STAP2: variants seen among roughly 807,000 people sequenced by gnomAD.
STAP2 encodes the protein signal-transducing adaptor protein 2.
STAP2 carries 58 observed loss-of-function variants against 52.7 expected under a neutral mutation model. That is an observed-to-expected ratio of 1.10 (90% CI 0.89 to 1.37). STAP2 has a LOEUF of 1.37. Among genes scored for constraint, STAP2 ranks in the 40% most tolerant of loss-of-function variants. The pLI, the probability that STAP2 is intolerant of heterozygous loss-of-function variation, is 0.00. For synonymous variants in STAP2, 231 were observed against 210.5 expected (o/e 1.10, Z -0.84); for missense variants, 522 against 519.4 (o/e 1.00, Z -0.05).
In STAP2 at chr19:4,334,049, G is replaced by C. The variant is rs769782572; in HGVS notation, c.103-5C>G. ...TGCCCAGAACTTCTTGTAATCCTAGGGACCAGAAGTGCAGAAAGAAGAGGT... is the reference window on the plus strand; with the variant it reads ...TGCCCAGAACTTCTTGTAATCCTAGCGACCAGAAGTGCAGAAAGAAGAGGT... On this transcript the variant is annotated splice_polypyrimidine_tract_variant and splice_region_variant and intron_variant, in intron 1 of 12. Coordinates refer to ENST00000594605, the MANE Select transcript of STAP2 (RefSeq NM_001013841.2). The C allele has an allele frequency of 9.3e-6, 15 of 1,606,850 alleles. No individual in the cohort carries two copies. Among genetic ancestry groups the C allele is most frequent in the Non-Finnish European group, 1.3e-5 (15 of 1,177,732 alleles).
At chr19:4,332,527 A>C (rs1971910517) in intron 3 of STAP2, among the ~76,000 whole-genome samples, 1 of 151,802 alleles carries the variant, frequency 6.6e-6, no homozygotes, top group African/African-American at 2.4e-5. Flanking sequence ...TTTTGATGTT[A>C]TTATATCAAC....
intron 1 of STAP2, among the ~76,000 whole-genome samples, chr19:4,337,034 A>T (rs1971991419): frequency 6.6e-6 from 1 of 152,022 alleles, no homozygotes; most frequent in Non-Finnish European, 1.5e-5. Context: ...AGTCTACTCC[A>T]CTACAGGTAA....
chr19:4,327,288 C>G (rs768729713), intron 7 of STAP2, 28 bp downstream of exon 7: 1 of 1,614,032 alleles, frequency 6.2e-7, no homozygotes, highest in African/African-American at 1.3e-5. Flanking sequence ...CACAAAGTCA[C>G]TTCTAGGGAC....
At chr19:4,333,925 C>G (rs564060574) in intron 2 of STAP2, 48 bp downstream of exon 2, 83 of 1,610,856 alleles carry the variant, frequency 5.2e-5, no homozygotes, top group Non-Finnish European at 6.9e-5. Flanking sequence ...TGCTTGGTCT[C>G]TGGGCTCAAG....
chr19:4,327,764 C>A (rs930768414), intron 6 of STAP2, among the ~76,000 whole-genome samples: 1 of 152,112 alleles, frequency 6.6e-6, no homozygotes, highest in Non-Finnish European at 1.5e-5. Context: ...CTAAAGACCC[C>A]GCCCCAGGTA....
rs1395056617 is a variant in STAP2, at chr19:4,330,212, G to A, written c.355-151C>T. 3 of 652,290 alleles carry A rather than the reference G, an allele frequency of 4.6e-6. No homozygotes were observed. The African/African-American group carries it at 5.4e-5, about 12-fold the overall frequency. The allele number at this position is 652,290 out of a possible 1,614,324, so 40.4% of individuals were successfully genotyped here. ...AAGAGGGCTTCGAGAGGGTTGCAGA[G>A]GAGTGTTGCATGAGAGTAGATGCTG... On this transcript the variant is annotated intron_variant, in intron 4 of 12. Coordinates refer to ENST00000594605, the MANE Select transcript of STAP2 (RefSeq NM_001013841.2).
intron 4 of STAP2, among the ~76,000 whole-genome samples, chr19:4,331,370 C>T (rs150020001): frequency 5.0e-4 from 74 of 149,122 alleles, no homozygotes; most frequent in African/African-American, 1.7e-3. Flanking sequence ...CTGTGGCTCA[C>T]GCCTGTAATC....
chr19:4,331,757 C>G (rs940187915), intron 4 of STAP2, among the ~76,000 whole-genome samples: 3 of 151,778 alleles, frequency 2.0e-5, no homozygotes, highest in African/African-American at 7.3e-5. Context: ...ACAGTGAAAC[C>G]CCGTCTCTAC....
chr19:4,335,724 A>G (rs1971971421), intron 1 of STAP2, among the ~76,000 whole-genome samples: 1 of 152,082 alleles, frequency 6.6e-6, no homozygotes, highest in Non-Finnish European at 1.5e-5. Context: ...AAGTTATTTG[A>G]GCTGTCTTTG....
At chr19:4,327,489 T>C in intron 6 of STAP2, 104 bp from the exon 7 acceptor site, 1 of 1,255,510 alleles carries the variant, frequency 8.0e-7, no homozygotes, top group Middle Eastern at 2.2e-4. Flanking sequence ...TAGAAACAGG[T>C]CCATACTGGC....
At chr19:4,332,536 A>G (rs1204554825) in intron 3 of STAP2, among the ~76,000 whole-genome samples, 2 of 152,172 alleles carry the variant, frequency 1.3e-5, no homozygotes, top group African/African-American at 4.8e-5. Flanking sequence ...TATTATATCA[A>G]CATTTGAAAA....
intron 1 of STAP2, among the ~76,000 whole-genome samples, chr19:4,336,665 G>A (rs1369404845): frequency 6.7e-6 from 1 of 149,000 alleles, no homozygotes; most frequent in Non-Finnish European, 1.5e-5. Context: ...GAGCAGTCTC[G>A]CTCTTGTCCC....
rs138002546 is a variant in STAP2 at position 4,325,251 on chromosome 19, G to C, written c.1037C>G (p.Ala346Gly). 1.2e-4 allele frequency: 200 copies of C among 1,607,362 alleles called. No individual in the cohort carries two copies. In the African/African-American group the frequency reaches 2.4e-3, roughly 19 times the overall value. The change falls in exon 11 of 13, where the codon GCC becomes GGC. Residue 346 changes from alanine (A) to glycine (G), a missense_variant. Transcript: ENST00000594605. ...LKPKKLPKPP[A>G]KLPKPPVGPK... ...TCCAACGGGTGGCTTTGGAAGCTTG[G>C]CAGGAGGCTTTGGCAACTTCTTTGG...
chr19:4,337,548 CAA>C lies in STAP2; in HGVS notation c.102+1102_102+1103del, dbSNP rs376844059. Among the ~76,000 whole-genome samples, 509 of 100,596 alleles carry C rather than the reference CAA, an allele frequency of 5.1e-3. 2 individuals carry two copies. The highest frequency in any genetic ancestry group is 0.016 in the African/African-American group (426 of 27,008). 66.0% of individuals were successfully genotyped at this position (100,596 alleles called of 152,430 possible). On this transcript the variant is annotated intron_variant, in intron 1 of 12. Transcript: ENST00000594605. ...CGCCTGGCCAGCAAGACCCCATCTT[CAA>C]AAAAAAAAAAAAAAGGCTGGGTGCG...
At position 4,328,555 on chromosome 19, in the gene STAP2, C is replaced by T. The variant is rs1971833793; in HGVS notation, c.590+120G>A. 14 of 1,379,398 alleles carry T rather than the reference C, an allele frequency of 1.0e-5. 1 individual carries two copies. Among genetic ancestry groups the T allele is most frequent in the South Asian group, 5.4e-5 (4 of 73,810 alleles). 85.4% of individuals were successfully genotyped at this position (1,379,398 alleles called of 1,614,324 possible). On this transcript the variant is annotated intron_variant, in intron 6 of 12. Transcript: ENST00000594605. ...CCCCAGACGCCCGTCTCGGCTCTGG[C>T]TCCGTCCCCTGGCCTACCCACTAGC...
chr19:4,336,075 C>G (rs888134321), intron 1 of STAP2, among the ~76,000 whole-genome samples: 3 of 151,906 alleles, frequency 2.0e-5, no homozygotes, highest in Admixed American at 2.0e-4. Context: ...TGCAGTGGTG[C>G]GATCTCGGCT....
At chr19:4,338,290 T>G in intron 1 of STAP2, 3 of 159,414 alleles carry the variant, frequency 1.9e-5, no homozygotes, top group Non-Finnish European at 2.7e-5. Context: ...AGCTCGGGAG[T>G]CAGAGGACTC....
At chr19:4,327,033 G>A in intron 8 of STAP2, 26 bp from the exon 9 acceptor site, 1 of 1,585,446 alleles carries the variant, frequency 6.3e-7, no homozygotes, top group African/African-American at 1.3e-5. Flanking sequence ...CGGCCTGGAG[G>A]AAGCGCGGCG....
Position 4,328,743 on chromosome 19 carries a change from G to A in STAP2, c.522C>T (p.Asn174=). The A allele has an allele frequency of 6.2e-7, 1 of 1,610,346 alleles. No homozygotes were observed. Among genetic ancestry groups the A allele is most frequent in the Non-Finnish European group, 8.5e-7 (1 of 1,178,922 alleles). ...LLLERYPECG[N]LLLRPSGDGA... Reference sequence around the variant, plus strand: ...CGTCCCCGCTGGGCCGCAGCAGCAGGTTCCCGCACTCGGGGTAGCGCTCCA... The same window carrying A: ...CGTCCCCGCTGGGCCGCAGCAGCAGATTCCCGCACTCGGGGTAGCGCTCCA... Residue 174 remains asparagine, a synonymous_variant, in exon 6 of 13, where the codon AAC becomes AAT. Transcript: ENST00000594605.
Sources: allele counts gnomAD v4.1 joint callset (sites outside exome capture counted in the v4.1 genomes callset), GRCh38; gene constraint gnomAD v4.1.1; transcripts MANE v1.5; gene names NCBI Gene and HGNC (gene_info 2026-07-23, HGNC 2026-07-21).